Variants in FYB2 observed in about 807,000 individuals in gnomAD.
FYB2 encodes FYN-binding protein 2.
In FYB2, 103 loss-of-function variants were observed where a neutral mutation model predicts 94.1. The observed-to-expected ratio is 1.09, with a 90% CI of 0.93 to 1.29. The LOEUF is 1.29. Ranked by LOEUF, FYB2 falls within the 50% of genes most tolerant of loss-of-function variation. The pLI is 0.00. For missense variants in FYB2, 896 were observed against 841.5 expected, an observed-to-expected ratio of 1.06 and a Z score of -0.80; for synonymous variants, 293 against 287.9, an observed-to-expected ratio of 1.02 and a Z score of -0.18.
At chr1:56,805,775 G>A (rs1646632155) in intron 1 of FYB2, among the ~76,000 whole-genome samples, 2 of 152,244 alleles carry the variant, frequency 1.3e-5, no homozygotes, top group South Asian at 4.1e-4. Context: ...TTATAAAGGT[G>A]TGCTCCCCTG....
the FYB2 span, among the ~76,000 whole-genome samples, chr1:56,826,006 C>T: frequency 2.0e-5 from 3 of 152,236 alleles, no homozygotes; most frequent in Non-Finnish European, 4.4e-5. Context: ...GACTACGCCT[C>T]ACTCAACAGC....
intron 1 of FYB2, among the ~76,000 whole-genome samples, chr1:56,810,216 G>A (rs1646735402): frequency 6.6e-6 from 1 of 152,158 alleles, no homozygotes; most frequent in Admixed American, 6.5e-5. Flanking sequence ...AATTGTATCA[G>A]TTCTGTTAGG....
intron 4 of FYB2, among the ~76,000 whole-genome samples, chr1:56,778,811 T>A (rs957741711): frequency 6.6e-6 from 1 of 152,186 alleles, no homozygotes; most frequent in Non-Finnish European, 1.5e-5. Flanking sequence ...TGTTATTTAT[T>A]TTTCTTCCCA....
At chr1:56,808,975 C>G (rs940302848) in intron 1 of FYB2, among the ~76,000 whole-genome samples, 2 of 152,190 alleles carry the variant, frequency 1.3e-5, no homozygotes, top group Admixed American at 1.3e-4. Flanking sequence ...CCAAGTTGTG[C>G]ATCTATTATG....
At chr1:56,746,081 T>C (rs1000037932) in intron 9 of FYB2, among the ~76,000 whole-genome samples, 10 of 138,942 alleles carry the variant, frequency 7.2e-5, no homozygotes, top group Admixed American at 6.2e-4. Flanking sequence ...GCTTGCTTTA[T>C]TTTTTCATAT....
At chr1:56,784,783 C>G (rs1646095296) in intron 4 of FYB2, among the ~76,000 whole-genome samples, 1 of 152,158 alleles carries the variant, frequency 6.6e-6, no homozygotes, top group South Asian at 2.1e-4. Flanking sequence ...ATTCATCCAC[C>G]CATCAACTAC....
At position 56,792,059 on chromosome 1, in the gene FYB2, G is replaced by C. The variant is rs1412909245; in HGVS notation, c.754C>G (p.Pro252Ala). The stretch of plus-strand genomic sequence containing the variant: ...CCATGGGGATCACGTTTGTTACCTG[G>C]GGCCTGACTGGCAAGCTCACACTCA... ...IYECELASQA[P>A]EKQPDVRHHH... is the part of the protein sequence containing the mutation. Residue 252 changes from proline (P) to alanine (A), a missense_variant, in exon 2 of 20, where the codon CCA (proline) becomes GCA (alanine). Coordinates refer to ENST00000343433, the MANE Select transcript of FYB2 (RefSeq NM_001004303.5). 6.3e-7 allele frequency: 1 copy of C among 1,574,850 alleles called. No individual in the cohort carries two copies. The highest frequency in any genetic ancestry group is 1.4e-5 in the African/African-American group (1 of 72,880).
intron 13 of FYB2, among the ~76,000 whole-genome samples, chr1:56,739,667 C>T (rs857125): frequency 0.54 from 81,442 of 151,942 alleles, 24,716 homozygotes; most frequent in African/African-American, 0.85. Flanking sequence ...GAAAGCAATA[C>T]GCATTCAGTA....
At chr1:56,720,135 A>C (rs377372233) in intron 18 of FYB2, 38 bp downstream of exon 18, 14 of 1,584,794 alleles carry the variant, frequency 8.8e-6, no homozygotes, top group Admixed American at 1.9e-5. Context: ...TTTTTTAAAA[A>C]GAATGAAATA....
chr1:56,745,653 G>A (rs991289019), intron 9 of FYB2, among the ~76,000 whole-genome samples: 3 of 151,996 alleles, frequency 2.0e-5, no homozygotes, highest in East Asian at 1.9e-4. Flanking sequence ...CGGTCTCCCC[G>A]ATTTATCTCA....
At position 56,796,569 on chromosome 1, in the gene FYB2, AT is replaced by A. The variant is rs144955282; in HGVS notation, c.10-3767del. Among the ~76,000 whole-genome samples, 1,343 of 152,274 alleles carry A rather than the reference AT, an allele frequency of 8.8e-3. 21 individuals carry two copies. Among genetic ancestry groups the A allele is most frequent in the African/African-American group, 0.031 (1,271 of 41,544 alleles). ...AACCTCTTTAAAAACAAATCTGATC[AT>A]GTAAGTCCCTTACGTGTTTTAAAAC... On this transcript the variant is annotated intron_variant, in intron 1 of 19. Coordinates refer to ENST00000343433, the MANE Select transcript of FYB2 (RefSeq NM_001004303.5).
At chr1:56,804,954 G>A (rs1196164310) in intron 1 of FYB2, among the ~76,000 whole-genome samples, 7 of 152,026 alleles carry the variant, frequency 4.6e-5, no homozygotes, top group Admixed American at 4.6e-4. Flanking sequence ...AACTGAACTT[G>A]CCTCTGTGCA....
chr1:56,793,394 T>C (rs1056952355), intron 1 of FYB2, among the ~76,000 whole-genome samples: 1 of 152,124 alleles, frequency 6.6e-6, no homozygotes, highest in Admixed American at 6.5e-5. Context: ...TGCCTACTAA[T>C]CCATCAATAT....
At chr1:56,756,938 A>G (rs1645347839) in intron 6 of FYB2, among the ~76,000 whole-genome samples, 1 of 152,094 alleles carries the variant, frequency 6.6e-6, no homozygotes, top group Non-Finnish European at 1.5e-5. Context: ...GTGTGAAGGG[A>G]ACTAGTTCTT....
upstream of FYB2, chr1:56,819,511 AC>A: frequency 1.6e-6 from 1 of 625,438 alleles, no homozygotes; most frequent in African/African-American, 1.8e-5. Context: ...CTTGGCTTAG[AC>A]CAGCACCTGC....
intron 5 of FYB2, among the ~76,000 whole-genome samples, chr1:56,766,147 T>C (rs1645617598): frequency 6.6e-6 from 1 of 152,202 alleles, no homozygotes; most frequent in Admixed American, 6.5e-5. Flanking sequence ...AGGAACTTGT[T>C]AGAAATGCAC....
intron 1 of FYB2, among the ~76,000 whole-genome samples, chr1:56,809,407 A>G (rs1446968188): frequency 2.0e-5 from 3 of 151,784 alleles, no homozygotes; most frequent in Non-Finnish European, 4.4e-5. Flanking sequence ...CATCCACTTC[A>G]CTAGATTTGC....
At chr1:56,789,233 T>A (rs935625469) in intron 2 of FYB2, 99 bp from the exon 3 acceptor site, 15 of 1,340,502 alleles carry the variant, frequency 1.1e-5, no homozygotes, top group Admixed American at 8.0e-5. Flanking sequence ...TCCCGTCCAA[T>A]CTATTCTCCA....
At chr1:56,750,939 A>G in intron 9 of FYB2, 105 bp downstream of exon 9, 1 of 1,358,066 alleles carries the variant, frequency 7.4e-7, no homozygotes. Flanking sequence ...CTTGGCACAA[A>G]ATAGATGTTC....
Sources: gnomAD v4.1 joint callset for allele counts (sites outside exome capture counted in the v4.1 genomes callset) on GRCh38, gnomAD v4.1.1 for gene constraint, MANE v1.5 for transcripts, NCBI Gene and HGNC (gene_info 2026-07-23, HGNC 2026-07-21) for gene names.